Variants in PTPN3 observed in about 807,000 individuals in gnomAD.
PTPN3 encodes tyrosine-protein phosphatase non-receptor type 3.
In PTPN3, 96 loss-of-function variants were observed where a neutral mutation model predicts 132.7. That is an observed-to-expected ratio of 0.72 (90% CI 0.61 to 0.86). PTPN3 has a LOEUF of 0.86. Among genes scored for constraint, PTPN3 ranks in the 40% least tolerant of loss-of-function variants. The pLI is 0.00. For missense variants in PTPN3, 1,125 were observed against 1,159.6 expected (o/e 0.97, Z 0.43); for synonymous variants, 398 against 429.0 (o/e 0.93, Z 0.89).
At chr9:109,441,989 T>C (rs1329107946) in intron 7 of PTPN3, among the ~76,000 whole-genome samples, 1 of 152,216 alleles carries the variant, frequency 6.6e-6, no homozygotes, top group East Asian at 1.9e-4. Flanking sequence ...CTTGGAAGAA[T>C]TTAGCAAAAT....
At chr9:109,424,280 C>A (rs535784376) in intron 12 of PTPN3, among the ~76,000 whole-genome samples, 1 of 152,318 alleles carries the variant, frequency 6.6e-6, no homozygotes, top group East Asian at 1.9e-4. Flanking sequence ...AGTCATGTGA[C>A]CCTTCTAAGC....
chr9:109,412,083 G>A (rs1266276695), intron 14 of PTPN3, among the ~76,000 whole-genome samples: 2 of 152,190 alleles, frequency 1.3e-5, no homozygotes, highest in South Asian at 2.1e-4. Flanking sequence ...TCACCCAGTG[G>A]CAGAAAGGGC....
intron 1 of PTPN3, among the ~76,000 whole-genome samples, chr9:109,475,063 C>T (rs975932102): frequency 4.6e-5 from 7 of 152,098 alleles, no homozygotes; most frequent in African/African-American, 1.4e-4. Flanking sequence ...CTTCAACAGA[C>T]GAAGGAGCTT....
At chr9:109,515,842 G>C in the PTPN3 span, among the ~76,000 whole-genome samples, 1 of 152,298 alleles carries the variant, frequency 6.6e-6, no homozygotes, top group East Asian at 1.9e-4. Flanking sequence ...CCATTCATGA[G>C]GTATCCACTC....
chr9:109,418,226 C>T (rs1842662986), intron 14 of PTPN3, among the ~76,000 whole-genome samples: 1 of 152,238 alleles, frequency 6.6e-6, no homozygotes, highest in Non-Finnish European at 1.5e-5. Context: ...CCTGGAGGCT[C>T]CTGAAACAAC....
chr9:109,406,375 C>G, intron 18 of PTPN3, 87 bp downstream of exon 18: 7 of 1,434,506 alleles, frequency 4.9e-6, no homozygotes, highest in Non-Finnish European at 6.6e-6. Context: ...ACAAACTCAA[C>G]ATTTTCAAGA....
intron 1 of PTPN3, among the ~76,000 whole-genome samples, chr9:109,487,237 G>C (rs1360656697): frequency 6.6e-6 from 1 of 152,176 alleles, no homozygotes; most frequent in African/African-American, 2.4e-5. Flanking sequence ...CAGAAGCCCT[G>C]GAACAGAGAG....
In PTPN3 at chr9:109,382,435, G is replaced by A. The variant is rs1332380627; in HGVS notation, c.2395C>T (p.His799Tyr). 6.2e-7 allele frequency: 1 copy of A among 1,614,190 alleles called. No individual in the cohort carries two copies. Among genetic ancestry groups the A allele is most frequent in the African/African-American group, 1.3e-5 (1 of 75,042 alleles). The stretch of plus-strand genomic sequence containing the variant: ...ACGTACTGGAGATGTGTCACTGTGT[G>A]TTCTTCCCCGGTCTGTGGGAGATGC... Reference protein sequence around the residue: ...LVTNTQTGEEHTVTHLQYVAW... With the variant: ...LVTNTQTGEEYTVTHLQYVAW... Residue 799 changes from histidine (H) to tyrosine (Y), a missense_variant, in exon 24 of 26, where the codon CAC becomes TAC. His to Tyr is a moderately conservative substitution (Grantham distance 83, BLOSUM62 2). Coordinates refer to ENST00000374541, the MANE Select transcript of PTPN3 (RefSeq NM_002829.4).
chr9:109,486,138 C>T (rs1847194934), intron 1 of PTPN3, among the ~76,000 whole-genome samples: 1 of 152,204 alleles, frequency 6.6e-6, no homozygotes, highest in African/African-American at 2.4e-5. Context: ...CCCATCCTGG[C>T]ATCACCTGGG....
At chr9:109,468,654 C>A (rs1846223006) in intron 1 of PTPN3, among the ~76,000 whole-genome samples, 1 of 152,250 alleles carries the variant, frequency 6.6e-6, no homozygotes, top group East Asian at 1.9e-4. Context: ...GCGTGAGCCA[C>A]CGCGCCCGGC....
intron 9 of PTPN3, among the ~76,000 whole-genome samples, chr9:109,435,348 C>G (rs549851244): frequency 1.3e-5 from 2 of 152,308 alleles, no homozygotes; most frequent in Non-Finnish European, 2.9e-5. Flanking sequence ...GAATGTATGT[C>G]TCTTTTGGGC....
chr9:109,431,408 C>A (rs1843656483), intron 10 of PTPN3, among the ~76,000 whole-genome samples: 2 of 152,226 alleles, frequency 1.3e-5, no homozygotes, highest in Non-Finnish European at 2.9e-5. Flanking sequence ...CCCCCGGCAT[C>A]TGGAGGGGCT....
the PTPN3 span, among the ~76,000 whole-genome samples, chr9:109,515,104 C>T: frequency 6.6e-6 from 1 of 152,090 alleles, no homozygotes; most frequent in Non-Finnish European, 1.5e-5. Context: ...CTCACTGCAG[C>T]CTCAACCTTC....
chr9:109,408,781 TA>T (rs768982568), intron 16 of PTPN3, among the ~76,000 whole-genome samples: 1,715 of 62,096 alleles, frequency 0.028, 36 homozygotes, highest in Non-Finnish European at 0.036. Flanking sequence ...TTATAATAAT[TA>T]AAAAAAAAAA....
At chr9:109,449,726 T>A (rs960671435) in intron 5 of PTPN3, 12 of 985,410 alleles carry the variant, frequency 1.2e-5, no homozygotes, top group Non-Finnish European at 1.4e-5. Flanking sequence ...CTGGCCAAGA[T>A]GACAAAAGGG....
intron 4 of PTPN3, 89 bp downstream of exon 4, chr9:109,457,084 A>G: frequency 7.4e-7 from 1 of 1,352,406 alleles, no homozygotes; most frequent in Non-Finnish European, 1.0e-6. Flanking sequence ...CAGGTACCAG[A>G]TGTCACAGGC....
At chr9:109,381,461 A>C (rs1322316527) in intron 25 of PTPN3, among the ~76,000 whole-genome samples, 191 bp downstream of exon 25, 2 of 152,312 alleles carry the variant, frequency 1.3e-5, no homozygotes, top group East Asian at 3.9e-4. Context: ...CAGGAAATAA[A>C]CCACAGAGGC....
the PTPN3 span, among the ~76,000 whole-genome samples, chr9:109,530,500 G>A: frequency 1.3e-5 from 2 of 152,018 alleles, no homozygotes; most frequent in Admixed American, 6.6e-5. Context: ...CTATTTTTGG[G>A]GTATTGTGAA....
At chr9:109,469,557 T>G (rs1053963083) in intron 1 of PTPN3, among the ~76,000 whole-genome samples, 1 of 152,200 alleles carries the variant, frequency 6.6e-6, no homozygotes, top group Non-Finnish European at 1.5e-5. Context: ...AAGCAGAGAT[T>G]GCAATGAGCC....
Sources: allele counts gnomAD v4.1 joint callset (sites outside exome capture counted in the v4.1 genomes callset), GRCh38; gene constraint gnomAD v4.1.1; transcripts MANE v1.5; gene names NCBI Gene and HGNC (gene_info 2026-07-23, HGNC 2026-07-21).